Variants in THEM4 observed in about 807,000 individuals in gnomAD.
THEM4 encodes the protein acyl-coenzyme A thioesterase THEM4.
THEM4 carries 22 observed loss-of-function variants against 25.0 expected under a neutral mutation model. That is an observed-to-expected ratio of 0.88 (90% CI 0.63 to 1.26). The LOEUF is 1.26. THEM4 is among the 50% of genes most tolerant of loss of function. The pLI is 0.00. For missense variants in THEM4, 286 were observed against 300.3 expected, an observed-to-expected ratio of 0.95 and a Z score of 0.35; for synonymous variants, 113 against 105.6, an observed-to-expected ratio of 1.07 and a Z score of -0.43.
chr1:151,877,462 G>T (rs1177878164), intron 4 of THEM4, among the ~76,000 whole-genome samples: 1 of 152,216 alleles, frequency 6.6e-6, no homozygotes, highest in African/African-American at 2.4e-5. Flanking sequence ...GAGCTGAAAT[G>T]CTTTAAAGAA....
Position 151,889,299 on chromosome 1 carries a change from A to C in THEM4, c.361T>G (p.Phe121Val), listed in dbSNP as rs375433038. ...TCATTGTAGAACATCACGTATTCAAAGCCCAGGCCATCATCAAAGCTTCTG... is the reference window on the plus strand; with the variant it reads ...TCATTGTAGAACATCACGTATTCAACGCCCAGGCCATCATCAAAGCTTCTG... ...FTRSFDDGLG[F>V]EYVMFYNDIE... Residue 121 changes from phenylalanine (F) to valine (V), a missense_variant, in exon 3 of 6, where the codon TTT becomes GTT. Transcript: ENST00000368814. The C allele has an allele frequency of 2.5e-5, 41 of 1,614,000 alleles. No individual in the cohort carries two copies. The highest frequency in any genetic ancestry group is 3.5e-5 in the Non-Finnish European group (41 of 1,179,994).
chr1:151,899,297 C>A (rs1654297404), intron 1 of THEM4, among the ~76,000 whole-genome samples: 1 of 152,042 alleles, frequency 6.6e-6, no homozygotes, highest in Non-Finnish European at 1.5e-5. Context: ...TTGAGACCAT[C>A]CTGGCCAACA....
intron 4 of THEM4, among the ~76,000 whole-genome samples, chr1:151,878,778 C>T (rs181295281): frequency 2.6e-5 from 4 of 152,000 alleles, no homozygotes; most frequent in African/African-American, 9.7e-5. Context: ...TGTTTTCCTT[C>T]GTTTAGCTAG....
At chr1:151,896,289 C>T (rs1365902286) in intron 1 of THEM4, among the ~76,000 whole-genome samples, 1 of 152,064 alleles carries the variant, frequency 6.6e-6, no homozygotes, top group Non-Finnish European at 1.5e-5. Context: ...CCACTGTGCC[C>T]GGCTGACTGT....
chr1:151,879,764 C>G (rs890634432), intron 4 of THEM4, among the ~76,000 whole-genome samples: 1 of 150,860 alleles, frequency 6.6e-6, no homozygotes, highest in African/African-American at 2.4e-5. Context: ...TCAAGCGATT[C>G]TCCTGCCTCG....
rs140934382 is a variant in THEM4, at chr1:151,874,558, A to G, written c.*330T>C. 3.4e-3 allele frequency: 980 copies of G among 284,202 alleles called. 10 individuals carry two copies. Among genetic ancestry groups the G allele is most frequent in the African/African-American group, 0.02 (924 of 45,496 alleles). 17.6% of individuals were successfully genotyped at this position (284,202 alleles called of 1,614,324 possible). A position where few individuals can be genotyped will look rare whatever the true frequency, so the allele number is the denominator to read the frequency against. On this transcript the variant is annotated 3_prime_UTR_variant, in exon 6 of 6. Coordinates refer to ENST00000368814, the MANE Select transcript of THEM4 (RefSeq NM_053055.5). ...CCTGGATAATTTTTTGTATTTTAGT[A>G]GAGACGGAGTTTCATCGTGTTGCCC...
intron 4 of THEM4, among the ~76,000 whole-genome samples, chr1:151,879,821 TAA>T (rs1299240856): frequency 6.6e-6 from 1 of 151,204 alleles, no homozygotes; most frequent in Non-Finnish European, 1.5e-5. Context: ...CATGCCCAGC[TAA>T]GTTTTTGTAT....
In THEM4 at chr1:151,874,733, A is replaced by G. The variant is rs1288928709; in HGVS notation, c.*155T>C. On this transcript the variant is annotated 3_prime_UTR_variant, in exon 6 of 6. Transcript: ENST00000368814. ...CTGTGTTAAAAAGTTGAGAAGATGG[A>G]AACTGAATCCTCTTTGTATTCAGAA... 10 of 727,398 alleles carry G rather than the reference A, an allele frequency of 1.4e-5. No homozygotes were observed. The highest frequency in any genetic ancestry group is 2.2e-5 in the Admixed American group (1 of 44,836). The allele number at this position is 727,398 out of a possible 1,614,324, so 45.1% of individuals were successfully genotyped here.
At chr1:151,886,109 G>C (rs1340390727) in intron 4 of THEM4, among the ~76,000 whole-genome samples, 1 of 152,192 alleles carries the variant, frequency 6.6e-6, no homozygotes, top group East Asian at 1.9e-4. Flanking sequence ...AGACAATGGA[G>C]GCTGTGTGTT....
chr1:151,900,157 C>T (rs193038833), intron 1 of THEM4, among the ~76,000 whole-genome samples: 24 of 152,202 alleles, frequency 1.6e-4, no homozygotes, highest in African/African-American at 5.5e-4. Flanking sequence ...CTAAAAGGAG[C>T]TCTAAATCTT....
Position 151,895,965 on chromosome 1 carries a change from A to G in THEM4, c.100-771T>C, listed in dbSNP as rs112814489. On this transcript the variant is annotated intron_variant, in intron 1 of 5. Coordinates refer to ENST00000368814, the MANE Select transcript of THEM4 (RefSeq NM_053055.5). The stretch of plus-strand genomic sequence containing the variant: ...GCCTGCTCCTGCTTTGCCTTCTGCC[A>G]TGACTGTAAGTTTTCTTGCTTCCTT... Among the ~76,000 whole-genome samples the G allele has an allele frequency of 1.1e-4, 16 of 148,546 alleles. 1 individual carries two copies. Among genetic ancestry groups the G allele is most frequent in the African/African-American group, 4.0e-4 (16 of 40,282 alleles).
chr1:151,878,517 C>T (rs1653737140), intron 4 of THEM4, among the ~76,000 whole-genome samples: 1 of 152,244 alleles, frequency 6.6e-6, no homozygotes, highest in Non-Finnish European at 1.5e-5. Context: ...TTCCTAATGA[C>T]ATCACTGAAT....
rs764371837 is a variant in THEM4, at chr1:151,874,667, G to A, written c.*221C>T. ...TGGGATTATAGGTGTGAGCCACAGC[G>A]CCTGGCCCGAGAGTTGTCGATATGC... On this transcript the variant is annotated 3_prime_UTR_variant, in exon 6 of 6. Transcript: ENST00000368814. 13 of 602,042 alleles carry A rather than the reference G, an allele frequency of 2.2e-5. No homozygotes were observed. The highest frequency in any genetic ancestry group is 4.5e-4 in the Middle Eastern group (1 of 2,234). 37.3% of individuals were successfully genotyped at this position (602,042 alleles called of 1,614,324 possible).
At position 151,896,317 on chromosome 1, in the gene THEM4, C is replaced by A. The variant is rs545658671; in HGVS notation, c.100-1123G>T. On this transcript the variant is annotated intron_variant, in intron 1 of 5. Transcript: ENST00000368814. ...CTGACTGTAAGTTTTCTGAGCCCTC[C>A]CCAGCAGCCAAGCAGATGCCACCAT... 1.2e-4 allele frequency among the ~76,000 whole-genome samples: 18 copies of A among 152,108 alleles called. No homozygotes were observed. In the South Asian group the frequency reaches 3.7e-3, roughly 32 times the overall value.
intron 4 of THEM4, among the ~76,000 whole-genome samples, chr1:151,879,354 T>C (rs975788056): frequency 5.9e-5 from 9 of 151,916 alleles, no homozygotes; most frequent in Admixed American, 1.3e-4. Context: ...AGTAGTGAAA[T>C]GTAGGAGTTA....
At chr1:151,890,667 A>G (rs550848069) in intron 2 of THEM4, 1 of 153,844 alleles carries the variant, frequency 6.5e-6, no homozygotes. Context: ...CACATACTAT[A>G]TACACTTAAG....
rs566160833 is a variant in THEM4 at position 151,873,083 on chromosome 1, G to A, written c.*1805C>T. ...CTGAGATAGGAGAAAACCACCCTGT[G>A]GCTGGAGCCAAGATACGCTGGCGGC... On this transcript the variant is annotated 3_prime_UTR_variant, in exon 6 of 6. Coordinates refer to ENST00000368814, the MANE Select transcript of THEM4 (RefSeq NM_053055.5). Among the ~76,000 whole-genome samples, 1 of 152,280 alleles carries A rather than the reference G, an allele frequency of 6.6e-6. No homozygotes were observed. Among genetic ancestry groups the A allele is most frequent in the Admixed American group, 6.5e-5 (1 of 15,306 alleles).
intron 2 of THEM4, 181 bp downstream of exon 2, chr1:151,894,827 G>A (rs1402142635): frequency 2.9e-6 from 2 of 680,444 alleles, no homozygotes; most frequent in South Asian, 1.8e-5. Context: ...CTTGACAATA[G>A]GCTTTATGCT....
At chr1:151,907,505 C>T (rs1040253285) in intron 1 of THEM4, among the ~76,000 whole-genome samples, 1 of 152,194 alleles carries the variant, frequency 6.6e-6, no homozygotes, top group Non-Finnish European at 1.5e-5. Flanking sequence ...TTCAAGCTAG[C>T]CCACCCCCTT....
Sources: gnomAD v4.1 joint callset for allele counts (sites outside exome capture counted in the v4.1 genomes callset) on GRCh38, gnomAD v4.1.1 for gene constraint, MANE v1.5 for transcripts, NCBI Gene and HGNC (gene_info 2026-07-23, HGNC 2026-07-21) for gene names.